The following DLC1 variants were observed in gnomAD, a reference collection of about 807,000 sequenced individuals.
DLC1 encodes DLC1 Rho GTPase activating protein.
DLC1 carries 54 observed loss-of-function variants against 140.3 expected under a neutral mutation model. The observed-to-expected ratio is 0.38, with a 90% confidence interval of 0.31 to 0.48. DLC1 has a LOEUF of 0.48. Among genes scored for constraint, DLC1 ranks in the 20% least tolerant of loss-of-function variants. The pLI is 0.96. For missense variants in DLC1, 2,536 were observed against 1,907.0 expected (o/e 1.33, Z -6.14); for synonymous variants, 986 against 728.1 (o/e 1.35, Z -5.70).
chr8:13,152,628 C>T (rs1425587110), intron 5 of DLC1, among the ~76,000 whole-genome samples: 1 of 150,738 alleles, frequency 6.6e-6, no homozygotes, highest in Non-Finnish European at 1.5e-5. Flanking sequence ...AGAAACACCA[C>T]CTCTACCAAT....
At chr8:13,569,592 G>T (rs1804575376) in intron 1 of DLC1, among the ~76,000 whole-genome samples, 1 of 152,124 alleles carries the variant, frequency 6.6e-6, no homozygotes, top group Non-Finnish European at 1.5e-5. Flanking sequence ...AACCAAGCTA[G>T]AAATCTGAGT....
At chr8:13,593,474 G>C (rs1285229921) in intron 1 of DLC1, among the ~76,000 whole-genome samples, 4 of 152,128 alleles carry the variant, frequency 2.6e-5, no homozygotes, top group Non-Finnish European at 5.9e-5. Flanking sequence ...GAAATCTTAA[G>C]ATTCAATTCA....
At chr8:13,170,144 A>T (rs745473023) in intron 5 of DLC1, among the ~76,000 whole-genome samples, 2 of 152,206 alleles carry the variant, frequency 1.3e-5, no homozygotes, top group Non-Finnish European at 2.9e-5. Context: ...TTTTTTGGCT[A>T]ATTGTTAAGA....
chr8:13,557,510 G>A (rs1216290244), intron 1 of DLC1: 1 of 152,248 alleles, frequency 6.6e-6, no homozygotes, highest in African/African-American at 2.4e-5. Context: ...CATGTGTCAA[G>A]GGAGGTTCCA....
intron 4 of DLC1, among the ~76,000 whole-genome samples, chr8:13,322,549 G>C (rs575545100): frequency 5.3e-5 from 8 of 152,162 alleles, no homozygotes; most frequent in African/African-American, 1.7e-4. Flanking sequence ...CTCAGATCTA[G>C]TCCTATAACC....
At chr8:13,345,830 A>G (rs1203052800) in intron 4 of DLC1, among the ~76,000 whole-genome samples, 1 of 152,112 alleles carries the variant, frequency 6.6e-6, no homozygotes, top group East Asian at 1.9e-4. Flanking sequence ...AAGTGCTGAG[A>G]TTACAGGCAT....
At position 13,084,440 on chromosome 8, in the gene DLC1, T is replaced by G. The variant is rs1290186278; in HGVS notation, c.*1371A>C. 1 of 152,574 alleles carries G rather than the reference T, an allele frequency of 6.6e-6. No homozygotes were observed. The highest frequency in any genetic ancestry group is 1.5e-5 in the Non-Finnish European group (1 of 68,020). 9.5% of individuals were successfully genotyped at this position (152,574 alleles called of 1,614,324 possible). A position where few individuals can be genotyped will look rare whatever the true frequency, so the allele number is the denominator to read the frequency against. ...GATCCATACACAATAAATTTACTAA[T>G]ACTGTCTCTTGAGTCAATCCTTACC... On this transcript the variant is annotated 3_prime_UTR_variant, in exon 18 of 18. Coordinates refer to ENST00000276297, the MANE Select transcript of DLC1 (RefSeq NM_182643.3).
At position 13,085,655 on chromosome 8, in the gene DLC1, C is replaced by A. The variant is rs1167015391; in HGVS notation, c.*156G>T. On this transcript the variant is annotated 3_prime_UTR_variant, in exon 18 of 18. Coordinates refer to ENST00000276297, the MANE Select transcript of DLC1 (RefSeq NM_182643.3). ...CAGACCCTCAACAAACAGGAAGCAG[C>A]TTTAAAAATGTATCAAATTGCTATA... 5.1e-6 allele frequency: 6 copies of A among 1,182,844 alleles called. No homozygotes were observed. Among genetic ancestry groups the A allele is most frequent in the Non-Finnish European group, 4.6e-6 (4 of 866,516 alleles). 73.3% of individuals were successfully genotyped at this position (1,182,844 alleles called of 1,614,324 possible).
At chr8:13,333,460 G>C (rs1671364) in intron 4 of DLC1, among the ~76,000 whole-genome samples, 2 of 151,822 alleles carry the variant, frequency 1.3e-5, no homozygotes, top group African/African-American at 4.8e-5. Context: ...TTTTGTCCTG[G>C]TTGGCCTTGA....
intron 4 of DLC1, among the ~76,000 whole-genome samples, chr8:13,379,077 A>C (rs74324710): frequency 0.012 from 1,840 of 152,314 alleles, 52 homozygotes; most frequent in African/African-American, 0.037. Flanking sequence ...AAGTTTTCAC[A>C]GGTATTTGGT....
chr8:13,590,981 A>G (rs1275071165), intron 1 of DLC1, among the ~76,000 whole-genome samples: 1 of 152,054 alleles, frequency 6.6e-6, no homozygotes, highest in African/African-American at 2.4e-5. Context: ...TCTTCATTAT[A>G]ATTTCCAGGC....
Position 13,090,476 on chromosome 8 carries a change from C to G in DLC1, c.3856-6G>C. The G allele has an allele frequency of 1.2e-6, 2 of 1,613,246 alleles. No homozygotes were observed. The highest frequency in any genetic ancestry group is 1.7e-6 in the Non-Finnish European group (2 of 1,179,884). On this transcript the variant is annotated splice_region_variant and splice_polypyrimidine_tract_variant and intron_variant, in intron 14 of 17. Coordinates refer to ENST00000276297, the MANE Select transcript of DLC1 (RefSeq NM_182643.3). Reference sequence around the variant, plus strand: ...CGGCTCATTTCCTCGGGAACCTGTGCGGAACATGACAGACAGAAAGGAGGT... The same window carrying G: ...CGGCTCATTTCCTCGGGAACCTGTGGGGAACATGACAGACAGAAAGGAGGT...
chr8:13,269,048 T>C (rs1364007359), intron 5 of DLC1, among the ~76,000 whole-genome samples: 1 of 151,954 alleles, frequency 6.6e-6, no homozygotes, highest in African/African-American at 2.4e-5. Context: ...TAATTTTTTG[T>C]ATTTTTAGTA....
At chr8:13,450,857 G>A (rs1010056154) in intron 2 of DLC1, among the ~76,000 whole-genome samples, 4 of 151,616 alleles carry the variant, frequency 2.6e-5, no homozygotes, top group African/African-American at 7.3e-5. Flanking sequence ...TGGCCAACAT[G>A]GTGAAACCCC....
At chr8:13,507,378 G>A (rs909841555) in intron 1 of DLC1, among the ~76,000 whole-genome samples, 1 of 152,112 alleles carries the variant, frequency 6.6e-6, no homozygotes, top group Non-Finnish European at 1.5e-5. Flanking sequence ...TTTCTAAAAA[G>A]CATTTCTATG....
intron 2 of DLC1, among the ~76,000 whole-genome samples, chr8:13,456,089 C>T (rs763354886): frequency 2.0e-5 from 3 of 152,006 alleles, no homozygotes; most frequent in Non-Finnish European, 2.9e-5. Flanking sequence ...CATTTCTTTT[C>T]GAGATTTGCA....
chr8:13,286,567 G>A (rs1831542103), intron 5 of DLC1, among the ~76,000 whole-genome samples: 1 of 151,862 alleles, frequency 6.6e-6, no homozygotes, highest in South Asian at 2.1e-4. Flanking sequence ...CTGTTTGTAT[G>A]GATATATATT....
At chr8:13,163,900 G>A (rs1407399532) in intron 5 of DLC1, among the ~76,000 whole-genome samples, 1 of 152,160 alleles carries the variant, frequency 6.6e-6, no homozygotes, top group Non-Finnish European at 1.5e-5. Flanking sequence ...GGCTACTCAG[G>A]AGGCTGAAGT....
At chr8:13,444,336 A>C (rs746584518) in intron 2 of DLC1, among the ~76,000 whole-genome samples, 1 of 152,152 alleles carries the variant, frequency 6.6e-6, no homozygotes, top group Non-Finnish European at 1.5e-5. Flanking sequence ...CATTAGGAGA[A>C]ATACCTAATG....
Sources: allele counts gnomAD v4.1 joint callset (sites outside exome capture counted in the v4.1 genomes callset), GRCh38; gene constraint gnomAD v4.1.1; transcripts MANE v1.5; gene names NCBI Gene and HGNC (gene_info 2026-07-23, HGNC 2026-07-21).